Variants in SMIM14 observed in about 807,000 individuals in gnomAD.
SMIM14 encodes small integral membrane protein 14.
Under a neutral mutation model 12.6 loss-of-function variants are expected in SMIM14, and 5 were observed. The observed-to-expected ratio is 0.40, with a 90% CI of 0.21 to 0.83. The LOEUF is 0.83. Among genes scored for constraint, SMIM14 ranks in the 40% least tolerant of loss-of-function variants. The pLI, the probability that SMIM14 is intolerant of heterozygous loss-of-function variation, is 0.37. For synonymous variants in SMIM14, 30 were observed against 40.1 expected (o/e 0.75, Z 0.95); for missense variants, 86 against 119.1 (o/e 0.72, Z 1.29).
rs1747380159 is a variant in SMIM14 at position 39,547,307 on chromosome 4, GT to G, written c.*4818del. The G allele has an allele frequency of 6.6e-6, 1 of 152,080 alleles. No homozygotes were observed. Among genetic ancestry groups the G allele is most frequent in the Non-Finnish European group, 1.5e-5 (1 of 68,002 alleles). The allele number at this position is 152,080 out of a possible 1,614,324, so 9.4% of individuals were successfully genotyped here. On this transcript the variant is annotated 3_prime_UTR_variant, in exon 5 of 5. Transcript: ENST00000295958. ...ACAGAAAACACAAAGTGTTACTAAC[GT>G]TTTCTATTTATTCATTAATAAAAAG... is the stretch of plus-strand genomic sequence containing the variant.
At chr4:39,556,668 A>G (rs1244027773) in intron 3 of SMIM14, 98 bp from the exon 4 acceptor site, 6 of 1,076,654 alleles carry the variant, frequency 5.6e-6, no homozygotes, top group Non-Finnish European at 7.5e-6. Flanking sequence ...GTATTAATAT[A>G]AAAATTGTAT....
rs28641738 is a variant in SMIM14, at chr4:39,596,002, A to T, written c.75+9069T>A. Among the ~76,000 whole-genome samples, 691 of 152,224 alleles carry T rather than the reference A, an allele frequency of 4.5e-3. 5 individuals are homozygous for T. Among genetic ancestry groups the T allele is most frequent in the African/African-American group, 0.016 (656 of 41,546 alleles). ...TTATTTGAGTGGGTAATGCATTCAC[A>T]TGGTTTTAAAATATAAAAATACACT... On this transcript the variant is annotated intron_variant, in intron 2 of 4. Coordinates refer to ENST00000295958, the MANE Select transcript of SMIM14 (RefSeq NM_174921.3).
In SMIM14 at chr4:39,546,986, T is replaced by A. The variant is rs200883940; in HGVS notation, c.*5140A>T. On this transcript the variant is annotated 3_prime_UTR_variant, in exon 5 of 5. Transcript: ENST00000295958. ...ATATATCTGCTTAAATAATTAACACTATTGGATATTAGTCCCTCAAAGTAA... is the reference window on the plus strand; with the variant it reads ...ATATATCTGCTTAAATAATTAACACAATTGGATATTAGTCCCTCAAAGTAA... The A allele has an allele frequency of 3.3e-5, 5 of 152,192 alleles. No homozygotes were observed. The East Asian group carries it at 7.7e-4, about 23-fold the overall frequency. The allele number at this position is 152,192 out of a possible 1,614,324, so 9.4% of individuals were successfully genotyped here.
chr4:39,636,354 T>A (rs1323602306), intron 1 of SMIM14, among the ~76,000 whole-genome samples: 1 of 152,112 alleles, frequency 6.6e-6, no homozygotes, highest in African/African-American at 2.4e-5. Context: ...TTTCATATTA[T>A]CCTCAGGCTG....
In SMIM14 at chr4:39,586,244, T is replaced by C. The variant is rs891220760; in HGVS notation, c.76-13781A>G. ...GGTTCCTTTTTGCTTAATAATTCCA[T>C]CTTCAATTGGCTTCCCTCTTTTCAA... On this transcript the variant is annotated intron_variant, in intron 2 of 4. Transcript: ENST00000295958. Among the ~76,000 whole-genome samples the C allele has an allele frequency of 2.0e-5, 3 of 152,184 alleles. 1 individual carries two copies. Among genetic ancestry groups the C allele is most frequent in the African/African-American group, 7.2e-5 (3 of 41,470 alleles).
chr4:39,561,647 C>T (rs1336917330), intron 3 of SMIM14, among the ~76,000 whole-genome samples: 1 of 151,688 alleles, frequency 6.6e-6, no homozygotes, highest in Non-Finnish European at 1.5e-5. Flanking sequence ...ACGCCGGGCA[C>T]GGTGGCTCAC....
At chr4:39,623,477 T>C (rs777155250) in intron 1 of SMIM14, among the ~76,000 whole-genome samples, 50 of 152,338 alleles carry the variant, frequency 3.3e-4, no homozygotes, top group Admixed American at 5.2e-4. Context: ...TTTATTGTGA[T>C]TTTAAAGAAT....
chr4:39,577,192 T>A (rs972607107), intron 2 of SMIM14, among the ~76,000 whole-genome samples: 1 of 152,046 alleles, frequency 6.6e-6, no homozygotes, highest in Non-Finnish European at 1.5e-5. Flanking sequence ...AGGAGGAGGC[T>A]TCCCTTTGAT....
At chr4:39,572,783 T>C (rs901664549) in intron 2 of SMIM14, among the ~76,000 whole-genome samples, 10 of 152,064 alleles carry the variant, frequency 6.6e-5, no homozygotes, top group African/African-American at 1.2e-4. Flanking sequence ...GATGGCACCA[T>C]TGTACTCCAG....
intron 2 of SMIM14, 107 bp from the exon 3 acceptor site, chr4:39,572,570 TC>T: frequency 1.1e-6 from 1 of 870,144 alleles, no homozygotes. Context: ...ACGCCTGTAA[TC>T]CCACACTTTG....
intron 1 of SMIM14, among the ~76,000 whole-genome samples, chr4:39,633,714 C>T (rs563641928): frequency 2.0e-5 from 3 of 152,084 alleles, no homozygotes; most frequent in Admixed American, 6.6e-5. Flanking sequence ...GCCATGATCA[C>T]GCCACTAAAT....
At chr4:39,619,858 A>ATT (rs374841335) in intron 1 of SMIM14, among the ~76,000 whole-genome samples, 4,202 of 68,792 alleles carry the variant, frequency 0.061, 306 homozygotes, top group African/African-American at 0.22. Flanking sequence ...ATTTATATAT[A>ATT]TTTATATATA....
intron 3 of SMIM14, among the ~76,000 whole-genome samples, chr4:39,567,362 G>C (rs187819774): frequency 3.2e-4 from 49 of 152,222 alleles, no homozygotes; most frequent in African/African-American, 1.2e-3. Flanking sequence ...CCTGCACTTT[G>C]GGAGGCCAAG....
Position 39,576,423 on chromosome 4 carries a change from A to T in SMIM14, c.76-3960T>A, listed in dbSNP as rs553063107. On this transcript the variant is annotated intron_variant, in intron 2 of 4. Transcript: ENST00000295958. Reference sequence around the variant, plus strand: ...CACATTTCAGGCAAAGTACATGACTAGGAGGTCCCTAGGTGACAAGGTGCC... The same window carrying T: ...CACATTTCAGGCAAAGTACATGACTTGGAGGTCCCTAGGTGACAAGGTGCC... Among the ~76,000 whole-genome samples the T allele has an allele frequency of 2.2e-3, 339 of 151,502 alleles. 1 individual carries two copies. The highest frequency in any genetic ancestry group is 7.9e-3 in the African/African-American group (327 of 41,394).
At chr4:39,597,754 T>C (rs2110048687) in intron 2 of SMIM14, among the ~76,000 whole-genome samples, 1 of 152,284 alleles carries the variant, frequency 6.6e-6, no homozygotes, top group African/African-American at 2.4e-5. Flanking sequence ...AGTATTTACT[T>C]CATCTTGTCT....
At chr4:39,598,693 T>C (rs1215819686) in intron 2 of SMIM14, among the ~76,000 whole-genome samples, 1 of 152,224 alleles carries the variant, frequency 6.6e-6, no homozygotes, top group Non-Finnish European at 1.5e-5. Flanking sequence ...CTACTTAATG[T>C]GTTTCTTTAA....
intron 2 of SMIM14, among the ~76,000 whole-genome samples, chr4:39,584,387 CAGG>C (rs1399924825): frequency 6.9e-6 from 1 of 145,014 alleles, no homozygotes; most frequent in Non-Finnish European, 1.5e-5. Flanking sequence ...GAGGCTGAGG[CAGG>C]AGAATTGCTT....
chr4:39,594,795 A>G (rs1257680007), intron 2 of SMIM14: 4 of 151,918 alleles, frequency 2.6e-5, no homozygotes, highest in African/African-American at 9.7e-5. Context: ...CAAAAGACAC[A>G]TGAAAAAATG....
At chr4:39,604,332 T>G (rs1194443215) in intron 2 of SMIM14, among the ~76,000 whole-genome samples, 1 of 151,404 alleles carries the variant, frequency 6.6e-6, no homozygotes, top group East Asian at 2.0e-4. Flanking sequence ...AGGTCAGGAG[T>G]TTGAGACCAG....
Sources: gnomAD v4.1 joint callset for allele counts (sites outside exome capture counted in the v4.1 genomes callset) on GRCh38, gnomAD v4.1.1 for gene constraint, MANE v1.5 for transcripts, NCBI Gene and HGNC (gene_info 2026-07-23, HGNC 2026-07-21) for gene names.